Variants in SPEG observed in about 807,000 individuals in gnomAD.
SPEG encodes striated muscle enriched protein kinase, also known as striated muscle preferentially expressed protein kinase.
In SPEG, 114 loss-of-function variants were observed where a neutral mutation model predicts 300.4. The ratio of observed to expected loss-of-function variants is 0.38; its 90% CI spans 0.33 to 0.44. The LOEUF is 0.44. Among genes scored for constraint, SPEG ranks in the 20% least tolerant of loss-of-function variants. The pLI is 1.00. For synonymous variants in SPEG, 1,964 were observed against 2,018.9 expected (o/e 0.97, Z 0.73); for missense variants, 4,201 against 4,586.2 (o/e 0.92, Z 2.43).
chr2:219,492,782 C>T lies in SPEG; in HGVS notation c.9800C>T (p.Pro3267Leu), dbSNP rs1352098320. 2 of 1,586,594 alleles carry T rather than the reference C, an allele frequency of 1.3e-6. No individual in the cohort carries two copies. Among genetic ancestry groups the T allele is most frequent in the Non-Finnish European group, 1.7e-6 (2 of 1,172,402 alleles). Residue 3267 changes from proline (P) to leucine (L), a missense_variant, in exon 41 of 41, where the codon CCC becomes CTC. Pro to Leu is a moderately conservative substitution (Grantham distance 98, BLOSUM62 -3). Around this residue, in one of 4 missense-constraint regions of SPEG, gnomAD observed 318 missense variants for 429.5 expected, o/e 0.74. Transcript: ENST00000312358. ...CTGCTGCGCTCCTACCCTGGCGGCC[C>T]CTAGAGGCACGGACCACAGCCAGGC... Reference protein sequence around the residue: ...KVLLRSYPGGP With the variant: ...KVLLRSYPGGL
rs56166111 is a variant in SPEG at position 219,483,214 on chromosome 2, G to A, written c.5751G>A (p.Gly1917=). The A allele has an allele frequency of 6.9e-4, 1,107 of 1,610,126 alleles. 9 individuals carry two copies. In the African/African-American group the frequency reaches 0.013, roughly 19 times the overall value. Residue 1917 remains glycine, a synonymous_variant, in exon 30 of 41, where the codon GGG becomes GGA. Coordinates refer to ENST00000312358, the MANE Select transcript of SPEG (RefSeq NM_005876.5). ...TMPRRPPPSG[G]LSSSSDSEEE... ...CCAGAAGGCCACCCCCCAGTGGGGG[G>A]CTCTCATCCTCCTCGGATTCTGAAG...
intron 9 of SPEG, chr2:219,465,360 T>A (rs1691172040): frequency 6.5e-6 from 1 of 153,216 alleles, no homozygotes; most frequent in Non-Finnish European, 1.5e-5. Context: ...GCCCCTGACC[T>A]TCCCCAAGGC....
At chr2:219,465,185 T>G (rs1691154082) in intron 9 of SPEG, 1 of 152,858 alleles carries the variant, frequency 6.5e-6, no homozygotes, top group South Asian at 2.1e-4. Context: ...GGGGCATATG[T>G]GCAGGGGCCC....
Position 219,448,787 on chromosome 2 carries a change from G to T in SPEG, c.1629G>T (p.Lys543Asn). 1 of 1,415,434 alleles carries T rather than the reference G, an allele frequency of 7.1e-7. No homozygotes were observed. Among genetic ancestry groups the T allele is most frequent in the South Asian group, 1.5e-5 (1 of 66,732 alleles). 87.7% of individuals were successfully genotyped at this position (1,415,434 alleles called of 1,614,324 possible). ...TCTTCTCTCGGCCCTCCACCCCCAA[G>T]ACATCGCGGGCCGTGAGCCCCGCCG... ...PPLFSRPSTPKTSRAVSPAAA... is the reference protein window; with the variant it reads ...PPLFSRPSTPNTSRAVSPAAA... Residue 543 changes from lysine to asparagine, a missense_variant, in exon 4 of 41, where the codon AAG (lysine) becomes AAT (asparagine). Around this residue, in one of 4 missense-constraint regions of SPEG, gnomAD observed 1,258 missense variants for 1,293.9 expected, o/e 0.97. Transcript: ENST00000312358.
Position 219,483,818 on chromosome 2 carries a change from C to A in SPEG, c.6355C>A (p.Pro2119Thr). 1 of 1,579,556 alleles carries A rather than the reference C, an allele frequency of 6.3e-7. No individual in the cohort carries two copies. The highest frequency in any genetic ancestry group is 8.5e-7 in the Non-Finnish European group (1 of 1,169,704). The change falls in exon 30 of 41, where the codon CCA (proline) becomes ACA (threonine). Residue 2119 changes from proline (P) to threonine (T), a missense_variant. By Grantham distance (38) the Pro-to-Thr change is conservative (BLOSUM62 -1). Transcript: ENST00000312358. The stretch of plus-strand genomic sequence containing the variant: ...CGAGGCAGCGCCCCACCACCAGCCC[C>A]CACTCGAGAACCGGGGCCTGCAAAA... ...SSEAAPHHQP[P>T]LENRGLQKSS...
At chr2:219,460,488 C>T (rs188252800) in intron 6 of SPEG, 50 of 985,466 alleles carry the variant, frequency 5.1e-5, no homozygotes, top group Admixed American at 1.2e-4. Context: ...ATTGGCACAG[C>T]GCAGTGCCAC....
intron 40 of SPEG, 31 bp from the exon 41 acceptor site, chr2:219,492,563 C>A: frequency 6.2e-7 from 1 of 1,601,236 alleles, no homozygotes; most frequent in Non-Finnish European, 8.5e-7. Flanking sequence ...AGCTTCCTTC[C>A]AGGTTCATCA....
intron 6 of SPEG, among the ~76,000 whole-genome samples, chr2:219,456,486 G>T (rs1302254136): frequency 2.0e-5 from 3 of 152,222 alleles, no homozygotes; most frequent in Non-Finnish European, 2.9e-5. Context: ...TGCCTGACAG[G>T]TGGCCTCCCC....
At chr2:219,466,480 G>C (rs1691372432) in intron 9 of SPEG, 2 of 1,166,040 alleles carry the variant, frequency 1.7e-6, no homozygotes, top group African/African-American at 1.6e-5. Context: ...GGTGGGGTGA[G>C]ACAGAGTGGG....
At chr2:219,442,195 C>T (rs1688972932) in intron 1 of SPEG, 1 of 662,848 alleles carries the variant, frequency 1.5e-6, no homozygotes, top group African/African-American at 1.9e-5. Flanking sequence ...TGGATCGGCG[C>T]CTGCCCCACC....
intron 18 of SPEG, among the ~76,000 whole-genome samples, chr2:219,476,007 A>T (rs1692306871): frequency 2.2e-5 from 3 of 139,454 alleles, no homozygotes; most frequent in Admixed American, 1.4e-4. Context: ...CCTCAGTCTG[A>T]GATGCTCAAA....
intron 1 of SPEG, chr2:219,441,892 C>T: frequency 4.6e-6 from 1 of 219,138 alleles, no homozygotes. Flanking sequence ...CCGCCGTCGC[C>T]GCCTTACCCC....
rs80129806 is a variant in SPEG at position 219,491,645 on chromosome 2, C to T, written c.9386-149C>T. 5.8e-4 allele frequency: 394 copies of T among 675,964 alleles called. 4 individuals are homozygous for T. The East Asian group carries it at 0.011, about 18-fold the overall frequency. 41.9% of individuals were successfully genotyped at this position (675,964 alleles called of 1,614,324 possible). On this transcript the variant is annotated intron_variant, in intron 38 of 40. Coordinates refer to ENST00000312358, the MANE Select transcript of SPEG (RefSeq NM_005876.5). ...GGGTATGCCACCACCTCTGTCCTGC[C>T]TACTGGCCTTCAGGGCCTGCCACTC...
At chr2:219,457,498 C>T (rs1317660771) in intron 6 of SPEG, among the ~76,000 whole-genome samples, 4 of 152,220 alleles carry the variant, frequency 2.6e-5, no homozygotes, top group Admixed American at 6.5e-5. Flanking sequence ...CCAGGAGAAT[C>T]GCTTGAACTT....
At chr2:219,462,507 G>A (rs1690816655) in intron 8 of SPEG, 121 bp downstream of exon 8, 2 of 771,070 alleles carry the variant, frequency 2.6e-6, no homozygotes, top group East Asian at 2.7e-5. Flanking sequence ...CTGCCTCAGG[G>A]GCCTCATCTC....
chr2:219,489,272 G>T (rs954366917), intron 35 of SPEG, 51 bp downstream of exon 35: 16 of 1,613,274 alleles, frequency 9.9e-6, no homozygotes, highest in Non-Finnish European at 1.4e-5. Context: ...TGAGCCTAGG[G>T]TTCTTGTGGA....
chr2:219,484,899 G>C lies in SPEG; in HGVS notation c.7436G>C (p.Gly2479Ala). ...QRSGSSEDSG[G>A]ASGRSTPLFG... Reference sequence around the variant, plus strand: ...AGTGGCAGCAGCGAGGACTCGGGGGGCGCGTCGGGCCGCAGCACGCCGCTG... The same window carrying C: ...AGTGGCAGCAGCGAGGACTCGGGGGCCGCGTCGGGCCGCAGCACGCCGCTG... The change falls in exon 30 of 41, where the codon GGC (glycine) becomes GCC (alanine). Residue 2479 changes from glycine (G) to alanine (A), a missense_variant. Gly to Ala is a moderately conservative substitution (Grantham distance 60, BLOSUM62 0). This residue lies in a region of SPEG where 1,578 missense variants were observed against 1,506.0 expected (regional missense o/e 1.05). Transcript: ENST00000312358. The C allele has an allele frequency of 1.3e-6, 2 of 1,525,726 alleles. No individual in the cohort carries two copies. The highest frequency in any genetic ancestry group is 1.7e-6 in the Non-Finnish European group (2 of 1,143,758). The allele number at this position is 1,525,726 out of a possible 1,614,324, so 94.5% of individuals were successfully genotyped here. A position where few individuals can be genotyped will look rare whatever the true frequency, so the allele number is the denominator to read the frequency against.
chr2:219,476,414 G>A (rs1692345648), intron 18 of SPEG, among the ~76,000 whole-genome samples: 2 of 152,144 alleles, frequency 1.3e-5, no homozygotes, highest in African/African-American at 4.8e-5. Flanking sequence ...CCAGCGGGTG[G>A]CCCTGTGAAG....
rs1183556024 is a variant in SPEG, at chr2:219,490,558, C to A, written c.9071C>A (p.Ser3024Tyr). The A allele has an allele frequency of 6.2e-7, 1 of 1,613,930 alleles. No homozygotes were observed. The highest frequency in any genetic ancestry group is 8.5e-7 in the Non-Finnish European group (1 of 1,180,014). The change falls in exon 37 of 41, where the codon TCC becomes TAC. Residue 3024 changes from serine to tyrosine, a missense_variant. Physicochemically the swap from Ser to Tyr is moderately radical, Grantham distance 144. This residue lies in a region of SPEG where 318 missense variants were observed against 429.5 expected (regional missense o/e 0.74). Coordinates refer to ENST00000312358, the MANE Select transcript of SPEG (RefSeq NM_005876.5). ...ACCCTGCACCACGAGCGGATCATGTCCCTGCACGAGGCCTACATCACCCCT... is the reference window on the plus strand; with the variant it reads ...ACCCTGCACCACGAGCGGATCATGTACCTGCACGAGGCCTACATCACCCCT... ...LRTLHHERIM[S>Y]LHEAYITPRY...
Sources: gnomAD v4.1 joint callset for allele counts (sites outside exome capture counted in the v4.1 genomes callset) on GRCh38, gnomAD v4.1.1 for gene constraint, gnomAD v4.1.1 regional missense constraint, MANE v1.5 for transcripts, NCBI Gene and HGNC (gene_info 2026-07-23, HGNC 2026-07-21) for gene names.